Variants in PBX1 observed in about 807,000 individuals in gnomAD.
PBX1 encodes pre-B-cell leukemia transcription factor 1.
Under a neutral mutation model 53.4 loss-of-function variants are expected in PBX1, and 6 were observed. The observed-to-expected ratio is 0.11, with a 90% CI of 0.06 to 0.22. PBX1 has a LOEUF of 0.22. Ranked by LOEUF, PBX1 falls within the 10% of genes least tolerant of loss-of-function variation. PBX1 has a pLI of 1.00. For synonymous variants in PBX1, 204 were observed against 212.3 expected, an observed-to-expected ratio of 0.96 and a Z score of 0.34; for missense variants, 251 against 551.4, an observed-to-expected ratio of 0.46 and a Z score of 5.46.
chr1:164,689,004 G>T (rs1357416910), intron 2 of PBX1, among the ~76,000 whole-genome samples: 1 of 152,258 alleles, frequency 6.6e-6, no homozygotes, highest in Non-Finnish European at 1.5e-5. Flanking sequence ...GCCTCCCCTT[G>T]GTGCCGCAGG....
At chr1:164,633,972 T>G (rs1176249431) in intron 2 of PBX1, among the ~76,000 whole-genome samples, 1 of 152,222 alleles carries the variant, frequency 6.6e-6, no homozygotes, top group Non-Finnish European at 1.5e-5. Flanking sequence ...TAATCTTCCA[T>G]TCAATTGAGG....
At chr1:164,760,298 GAAC>G (rs758132496) in intron 2 of PBX1, among the ~76,000 whole-genome samples, 14 of 151,966 alleles carry the variant, frequency 9.2e-5, no homozygotes, top group Non-Finnish European at 4.4e-5. Context: ...CAAAATATGA[GAAC>G]AACAGGATCC....
chr1:164,776,228 G>A (rs1667637121), intron 2 of PBX1, among the ~76,000 whole-genome samples: 1 of 152,160 alleles, frequency 6.6e-6, no homozygotes, highest in Admixed American at 6.5e-5. Flanking sequence ...CTCATTGTAC[G>A]TGGGTTCCTT....
intron 2 of PBX1, among the ~76,000 whole-genome samples, chr1:164,754,605 C>T (rs1241742622): frequency 1.3e-5 from 2 of 152,092 alleles, no homozygotes; most frequent in Non-Finnish European, 2.9e-5. Flanking sequence ...AAGGGGTTAC[C>T]CTACTTTTTT....
intron 2 of PBX1, among the ~76,000 whole-genome samples, chr1:164,571,383 A>G (rs957442896): frequency 3.9e-5 from 6 of 152,076 alleles, no homozygotes; most frequent in Non-Finnish European, 8.8e-5. Context: ...CCACTAACCT[A>G]CTTGCTGTCT....
At chr1:164,680,682 A>G (rs1571209290) in intron 2 of PBX1, 1 of 152,242 alleles carries the variant, frequency 6.6e-6, no homozygotes, top group South Asian at 2.1e-4. Context: ...GTATACATCA[A>G]ACAGGCTGTT....
intron 2 of PBX1, among the ~76,000 whole-genome samples, chr1:164,693,375 T>C (rs2102028848): frequency 6.6e-6 from 1 of 152,308 alleles, no homozygotes; most frequent in Non-Finnish European, 1.5e-5. Flanking sequence ...GAAGAACAAA[T>C]CAGGCACTGA....
At chr1:164,682,516 G>A (rs1446320649) in intron 2 of PBX1, 3 of 151,804 alleles carry the variant, frequency 2.0e-5, no homozygotes, top group Admixed American at 6.6e-5. Flanking sequence ...TTTTATTTTA[G>A]GAATGATGTC....
Position 164,792,641 on chromosome 1 carries a change from G to C in PBX1, c.413G>C (p.Gly138Ala), listed in dbSNP as rs1454591193. ...AAAAAAAASG[G>A]AGSDNSVEHS... Reference sequence around the variant, plus strand: ...GCGGCAGCGGCGGCGGCTTCTGGAGGGGCAGGTTCAGACAACTCAGTGGAG... The same window carrying C: ...GCGGCAGCGGCGGCGGCTTCTGGAGCGGCAGGTTCAGACAACTCAGTGGAG... The change falls in exon 3 of 9, where the codon GGG becomes GCG. Residue 138 changes from glycine (G) to alanine (A), a missense_variant. Coordinates refer to ENST00000420696, the MANE Select transcript of PBX1 (RefSeq NM_002585.4). 6.2e-7 allele frequency: 1 copy of C among 1,613,932 alleles called. No homozygotes were observed. The highest frequency in any genetic ancestry group is 1.1e-5 in the South Asian group (1 of 91,072).
At chr1:164,579,550 G>A (rs868803742) in intron 2 of PBX1, among the ~76,000 whole-genome samples, 1 of 152,230 alleles carries the variant, frequency 6.6e-6, no homozygotes, top group African/African-American at 2.4e-5. Flanking sequence ...GTTCAGCCCA[G>A]TTACTGGGGC....
intron 6 of PBX1, chr1:164,814,374 A>G (rs1669773339): frequency 6.6e-6 from 1 of 152,364 alleles, no homozygotes; most frequent in South Asian, 2.1e-4. Context: ...GGAACTTTTC[A>G]TAACCTCAGT....
At chr1:164,830,330 G>A (rs1438880762) in intron 8 of PBX1, among the ~76,000 whole-genome samples, 1 of 152,166 alleles carries the variant, frequency 6.6e-6, no homozygotes, top group Admixed American at 6.5e-5. Context: ...CCAAAGTGGG[G>A]TGACGGTGTT....
chr1:164,783,071 A>G (rs894955638), intron 2 of PBX1, among the ~76,000 whole-genome samples: 1 of 152,198 alleles, frequency 6.6e-6, no homozygotes, highest in African/African-American at 2.4e-5. Flanking sequence ...TGGTTCCCAG[A>G]AGGGTCTTCC....
At chr1:164,881,140 C>A (rs896574695) in intron 2 of PBX1, among the ~76,000 whole-genome samples, 1 of 152,148 alleles carries the variant, frequency 6.6e-6, no homozygotes, top group Non-Finnish European at 1.5e-5. Context: ...CCACCATGAG[C>A]CTAATCCTCC....
At chr1:164,717,677 G>A (rs1482177344) in intron 2 of PBX1, among the ~76,000 whole-genome samples, 7 of 152,154 alleles carry the variant, frequency 4.6e-5, no homozygotes, top group Non-Finnish European at 8.8e-5. Context: ...ATGGAGAAAT[G>A]AAACAAAGCA....
At chr1:164,835,614 A>T (rs1303643463) in intron 8 of PBX1, among the ~76,000 whole-genome samples, 2 of 152,154 alleles carry the variant, frequency 1.3e-5, no homozygotes, top group Non-Finnish European at 2.9e-5. Context: ...ATATTCTGGA[A>T]ATGTTCATCT....
chr1:164,794,702 A>G (rs1233166824), intron 3 of PBX1, among the ~76,000 whole-genome samples: 1 of 152,178 alleles, frequency 6.6e-6, no homozygotes, highest in East Asian at 1.9e-4. Context: ...TGGAAGGCAA[A>G]TGGGGACAGA....
chr1:164,855,374 G>T (rs1671956588), downstream of PBX1, among the ~76,000 whole-genome samples: 1 of 152,194 alleles, frequency 6.6e-6, no homozygotes, highest in South Asian at 2.1e-4. Context: ...TCGAAGGCCT[G>T]CCTTCTATAG....
intron 2 of PBX1, 85 bp from the exon 3 acceptor site, chr1:164,792,409 G>C (rs1668560725): frequency 1.3e-6 from 2 of 1,545,318 alleles, no homozygotes; most frequent in Non-Finnish European, 1.7e-6. Flanking sequence ...GGCAGCTTAT[G>C]TAGCCAAAGA....
Sources: allele counts gnomAD v4.1 joint callset (sites outside exome capture counted in the v4.1 genomes callset), GRCh38; gene constraint gnomAD v4.1.1; transcripts MANE v1.5; gene names NCBI Gene and HGNC (gene_info 2026-07-23, HGNC 2026-07-21).